The following EML1 variants were observed in gnomAD, a reference collection of about 807,000 sequenced individuals.
The protein encoded by EML1 is EMAP like 1.
A neutral mutation model predicts 110.4 loss-of-function variants in EML1; 27 were observed. That is an observed-to-expected ratio of 0.24 (90% confidence interval 0.18 to 0.34). EML1 has a LOEUF of 0.34. Ranked by LOEUF, EML1 falls within the 10% of genes least tolerant of loss-of-function variation. The pLI, the probability that EML1 is intolerant of heterozygous loss-of-function variation, is 1.00. For missense variants in EML1, 741 were observed against 1,030.9 expected, an observed-to-expected ratio of 0.72 and a Z score of 3.85; for synonymous variants, 344 against 385.8, an observed-to-expected ratio of 0.89 and a Z score of 1.27.
intron 1 of EML1, among the ~76,000 whole-genome samples, chr14:99,798,136 A>G (rs2057809482): frequency 6.6e-6 from 1 of 152,188 alleles, no homozygotes; most frequent in South Asian, 2.1e-4. Context: ...GTCCGTAGAG[A>G]ATAGGTTTAA....
At chr14:99,931,375 T>C (rs1328833266) in intron 17 of EML1, among the ~76,000 whole-genome samples, 2 of 152,106 alleles carry the variant, frequency 1.3e-5, no homozygotes, top group East Asian at 3.9e-4. Context: ...AGTTTCCTCA[T>C]CTGCAGAGCA....
rs894089817 is a variant in EML1, at chr14:99,920,941, C to A, written c.1909+64C>A. The A allele has an allele frequency of 6.1e-6, 9 of 1,487,240 alleles. No individual in the cohort carries two copies. The African/African-American group carries it at 9.8e-5, about 16-fold the overall frequency. 92.1% of individuals were successfully genotyped at this position (1,487,240 alleles called of 1,614,324 possible). A position where few individuals can be genotyped will look rare whatever the true frequency, so the allele number is the denominator to read the frequency against. On this transcript the variant is annotated intron_variant, in intron 17 of 21. Transcript: ENST00000262233. Reference sequence around the variant, plus strand: ...CAACTTTTATTTTAAGTTCTGGAGTCCATGTGCAGGATGTGTCGGTTTGTT... The same window carrying A: ...CAACTTTTATTTTAAGTTCTGGAGTACATGTGCAGGATGTGTCGGTTTGTT...
At chr14:99,865,724 A>T in intron 3 of EML1, 78 bp downstream of exon 3, 1 of 1,505,098 alleles carries the variant, frequency 6.6e-7, no homozygotes, top group Non-Finnish European at 8.9e-7. Flanking sequence ...TACTTTTTAA[A>T]ATGACATTGT....
At chr14:99,915,879 G>A (rs1414798401) in intron 15 of EML1, among the ~76,000 whole-genome samples, 1 of 152,158 alleles carries the variant, frequency 6.6e-6, no homozygotes, top group Non-Finnish European at 1.5e-5. Flanking sequence ...TTACTGGCAT[G>A]TCCCAGGTGC....
intron 11 of EML1, among the ~76,000 whole-genome samples, chr14:99,910,026 A>G (rs2059920789): frequency 6.6e-6 from 1 of 152,086 alleles, no homozygotes; most frequent in Non-Finnish European, 1.5e-5. Context: ...TGGGGTTGCT[A>G]GAAATCGCTT....
chr14:99,783,640 ATG>A lies in EML1; in HGVS notation c.-27+9628_-27+9629del, dbSNP rs770128439. Among the ~76,000 whole-genome samples the A allele has an allele frequency of 9.9e-3, 1,504 of 152,150 alleles. 8 individuals are homozygous for A. The highest frequency in any genetic ancestry group is 0.015 in the Non-Finnish European group (1,032 of 67,994). On this transcript the variant is annotated intron_variant, in intron 1 of 22. Transcript: ENST00000327921. The stretch of plus-strand genomic sequence containing the variant: ...GCTGGGACAACAGGTGTGGGCCTCC[ATG>A]CCCGGCTAATTTTTGCATTTTTAGT...
Position 99,894,690 on chromosome 14 carries a change from T to A in EML1, c.609T>A (p.Asp203Glu). The A allele has an allele frequency of 6.2e-7, 1 of 1,613,864 alleles. No homozygotes were observed. The highest frequency in any genetic ancestry group is 8.5e-7 in the Non-Finnish European group (1 of 1,179,890). The change falls in exon 6 of 22, where the codon GAT (aspartate) becomes GAA (glutamate). Residue 203 changes from aspartate to glutamate, a missense_variant. Asp to Glu is a conservative substitution (Grantham distance 45). Coordinates refer to ENST00000262233, the MANE Select transcript of EML1 (RefSeq NM_004434.3). ...CTGTTACCATGTACATGCCCAAAGA[T>A]CAAGTGGATTCTTACAGCTTGGAAG... ...GRPVTMYMPK[D>E]QVDSYSLEAK... is the part of the protein sequence containing the mutation.
At chr14:99,769,013 T>A (rs1322531157), upstream of EML1, among the ~76,000 whole-genome samples, 1 of 152,192 alleles carries the variant, frequency 6.6e-6, no homozygotes, top group East Asian at 1.9e-4. Flanking sequence ...CCACCACGCC[T>A]GGCCTGCTTG....
intron 3 of EML1, among the ~76,000 whole-genome samples, chr14:99,866,164 C>T (rs1595400279): frequency 6.6e-6 from 1 of 152,300 alleles, no homozygotes; most frequent in East Asian, 1.9e-4. Flanking sequence ...ATTTTAGGGC[C>T]AGGTGCAGTG....
At chr14:99,796,796 G>A (rs1310648844) in intron 1 of EML1, among the ~76,000 whole-genome samples, 1 of 152,066 alleles carries the variant, frequency 6.6e-6, no homozygotes. Context: ...AGTAGGTGGT[G>A]TTACCATCCT....
intron 1 of EML1, among the ~76,000 whole-genome samples, chr14:99,836,991 A>ATTT (rs35306819): frequency 0.014 from 1,980 of 141,530 alleles, 22 homozygotes; most frequent in East Asian, 0.038. Flanking sequence ...AATTGTTCTA[A>ATTT]TTTTTTTTTT....
rs199924004 is a variant in EML1 at position 99,766,480 on chromosome 14, C to A, written c.28+28620C>A. Among the ~76,000 whole-genome samples, 4 of 152,176 alleles carry A rather than the reference C, an allele frequency of 2.6e-5. No homozygotes were observed. In the East Asian group the frequency reaches 7.7e-4, roughly 29 times the overall value. ...AATTGCTGGGATTACAGGCGTGAGCCACCATGTCCGGCCTAATTTTTAATG... is the reference window on the plus strand; with the variant it reads ...AATTGCTGGGATTACAGGCGTGAGCAACCATGTCCGGCCTAATTTTTAATG... On this transcript the variant is annotated intron_variant, in intron 1 of 10. Coordinates refer to the EML1 transcript ENST00000554479.
chr14:99,849,939 G>A (rs1595377135), intron 1 of EML1, among the ~76,000 whole-genome samples: 1 of 148,862 alleles, frequency 6.7e-6, no homozygotes, highest in Non-Finnish European at 1.5e-5. Flanking sequence ...CAGCCTGGGC[G>A]ACCCTGTCAC....
At chr14:99,777,378 C>G (rs2057494509) in intron 1 of EML1, among the ~76,000 whole-genome samples, 1 of 152,148 alleles carries the variant, frequency 6.6e-6, no homozygotes, top group Admixed American at 6.5e-5. Context: ...ATATGTTACC[C>G]TTGCCTTTTG....
At chr14:99,810,231 C>G (rs1452852989) in intron 1 of EML1, among the ~76,000 whole-genome samples, 1 of 152,190 alleles carries the variant, frequency 6.6e-6, no homozygotes, top group Non-Finnish European at 1.5e-5. Context: ...GTACCAGAGT[C>G]CAGGCCCATG....
At position 99,940,017 on chromosome 14, in the gene EML1, A is replaced by G. The variant is rs1413178013; in HGVS notation, c.2353A>G (p.Ser785Gly). ...AAGCCACATCTACGGCGGGCACAGCAGCCATGTCACCAATGTCGATTTCCT... is the reference window on the plus strand; with the variant it reads ...AAGCCACATCTACGGCGGGCACAGCGGCCATGTCACCAATGTCGATTTCCT... ...APSHIYGGHS[S>G]HVTNVDFLCE... The change falls in exon 22 of 22, where the codon AGC (serine) becomes GGC (glycine). Residue 785 changes from serine to glycine, a missense_variant. Transcript: ENST00000262233. 4 of 1,592,958 alleles carry G rather than the reference A, an allele frequency of 2.5e-6. No homozygotes were observed. The highest frequency in any genetic ancestry group is 3.4e-6 in the Non-Finnish European group (4 of 1,169,610).
chr14:99,821,308 CT>C (rs1290439005), intron 1 of EML1, among the ~76,000 whole-genome samples: 2 of 152,160 alleles, frequency 1.3e-5, no homozygotes, highest in Non-Finnish European at 2.9e-5. Context: ...CGCCCAGCCT[CT>C]TACTTTAACT....
chr14:99,881,897 C>A (rs984497981), intron 4 of EML1, among the ~76,000 whole-genome samples: 1 of 152,216 alleles, frequency 6.6e-6, no homozygotes, highest in Non-Finnish European at 1.5e-5. Context: ...CCGCACCTGG[C>A]CAAAACTGTA....
At chr14:99,913,812 C>A (rs1237833476) in intron 13 of EML1, among the ~76,000 whole-genome samples, 1 of 152,002 alleles carries the variant, frequency 6.6e-6, no homozygotes. Context: ...GCCTCAGCCT[C>A]CCAAGTAGCT....
Sources: allele counts gnomAD v4.1 joint callset (sites outside exome capture counted in the v4.1 genomes callset), GRCh38; gene constraint gnomAD v4.1.1; transcripts MANE v1.5; gene names NCBI Gene and HGNC (gene_info 2026-07-23, HGNC 2026-07-21).